TRIM69: variants seen among roughly 807,000 people sequenced by gnomAD.
TRIM69 encodes E3 ubiquitin-protein ligase TRIM69.
Under a neutral mutation model 37.7 loss-of-function variants are expected in TRIM69, and 29 were observed. The observed-to-expected ratio is 0.77, with a 90% CI of 0.57 to 1.05. The LOEUF is 1.05. Among genes scored for constraint, TRIM69 ranks in the 50% least tolerant of loss-of-function variants. The pLI is 0.00. For missense variants in TRIM69, 596 were observed against 579.9 expected (o/e 1.03, Z -0.28); for synonymous variants, 209 against 212.4 (o/e 0.98, Z 0.14).
chr15:44,760,929 T>G lies in TRIM69; in HGVS notation c.961+1057T>G, dbSNP rs191297516. 2.6e-3 allele frequency among the ~76,000 whole-genome samples: 393 copies of G among 152,184 alleles called. 2 individuals are homozygous for G. The highest frequency in any genetic ancestry group is 9.1e-3 in the African/African-American group (377 of 41,538). On this transcript the variant is annotated intron_variant, in intron 6 of 6. Transcript: ENST00000329464. ...TTTTTTCACTTAGCATAATTTTTTT[T>G]TTTTTTGAGATGGAGTCTCGCTCTG... is the stretch of plus-strand genomic sequence containing the variant.
In TRIM69 at chr15:44,759,886, G is replaced by C; in HGVS notation, c.961+14G>C. 2 of 1,604,886 alleles carry C rather than the reference G, an allele frequency of 1.2e-6. No homozygotes were observed. The highest frequency in any genetic ancestry group is 2.2e-5 in the South Asian group (2 of 90,476). On this transcript the variant is annotated intron_variant, in intron 6 of 6. Transcript: ENST00000329464. ...CTCTCTGCCCAGGTATCAGTGGGTA[G>C]TAACTATTGGTTCTTGAGGCTCCTA...
chr15:44,759,948 T>G, intron 6 of TRIM69, 76 bp downstream of exon 6: 1 of 1,530,458 alleles, frequency 6.5e-7, no homozygotes. Flanking sequence ...TCTGTGGCCC[T>G]AATTAAGTTT....
intron 6 of TRIM69, among the ~76,000 whole-genome samples, chr15:44,765,017 G>A (rs1013649052): frequency 2.0e-5 from 3 of 152,180 alleles, no homozygotes; most frequent in East Asian, 1.9e-4. Context: ...TGCTGAGCAG[G>A]GAAATGGCTT....
At chr15:44,745,531 A>G (rs1394009092) in intron 1 of TRIM69, among the ~76,000 whole-genome samples, 1 of 152,184 alleles carries the variant, frequency 6.6e-6, no homozygotes, top group African/African-American at 2.4e-5. Context: ...TGGACAGGAG[A>G]AAAGGAAATT....
chr15:44,759,893 T>C (rs750431266), intron 6 of TRIM69, 21 bp downstream of exon 6: 1 of 1,601,202 alleles, frequency 6.2e-7, no homozygotes. Context: ...GTAGTAACTA[T>C]TGGTTCTTGA....
chr15:44,767,080 AAAAAG>A (rs78491558), intron 6 of TRIM69, 146 bp from the exon 7 acceptor site: 3 of 389,084 alleles, frequency 7.7e-6, no homozygotes, highest in South Asian at 1.1e-4. Flanking sequence ...AAAAAAAAAA[AAAAAG>A]CATATAAGTA....
chr15:44,766,131 A>G (rs932044534), intron 6 of TRIM69, among the ~76,000 whole-genome samples: 3 of 152,236 alleles, frequency 2.0e-5, no homozygotes, highest in Non-Finnish European at 1.5e-5. Flanking sequence ...GTAGAATACA[A>G]TATAAATTAC....
At chr15:44,739,217 A>C (rs1464246272) in intron 1 of TRIM69, among the ~76,000 whole-genome samples, 1 of 152,140 alleles carries the variant, frequency 6.6e-6, no homozygotes, top group East Asian at 1.9e-4. Context: ...TATATATTTT[A>C]AACATACTTT....
In TRIM69 at chr15:44,767,719, C is replaced by A. The variant is rs1359902675; in HGVS notation, c.1450C>A (p.Leu484Ile). The change falls in exon 7 of 7, where the codon CTT (leucine) becomes ATT (isoleucine). Residue 484 changes from leucine (L) to isoleucine (I), a missense_variant. Transcript: ENST00000329464. Reference protein sequence around the residue: ...EKLYPYFCPCLNDGGENKEPL... With the variant: ...EKLYPYFCPCINDGGENKEPL... Reference sequence around the variant, plus strand: ...ACTTTATCCCTACTTCTGCCCCTGCCTTAATGATGGTGGAGAGAATAAAGA... The same window carrying A: ...ACTTTATCCCTACTTCTGCCCCTGCATTAATGATGGTGGAGAGAATAAAGA... The A allele has an allele frequency of 1.2e-6, 2 of 1,613,874 alleles. No individual in the cohort carries two copies. Among genetic ancestry groups the A allele is most frequent in the East Asian group, 4.5e-5 (2 of 44,902 alleles).
At chr15:44,745,422 C>G (rs948724225) in intron 1 of TRIM69, among the ~76,000 whole-genome samples, 7 of 152,010 alleles carry the variant, frequency 4.6e-5, no homozygotes, top group African/African-American at 1.7e-4. Context: ...CAAAAAACCC[C>G]AGAGAAGGTG....
Position 44,736,531 on chromosome 15 carries a change from C to T in TRIM69, c.-174C>T, listed in dbSNP as rs575691280. ...ACAAACTGTCACGGAATCTGCCAGA[C>T]CTCACTCTGGCCTTGCTGCTTCTCT... On this transcript the variant is annotated 5_prime_UTR_variant, in exon 1 of 7. Transcript: ENST00000329464. The T allele has an allele frequency of 8.6e-6, 5 of 584,160 alleles. No individual in the cohort carries two copies. Among genetic ancestry groups the T allele is most frequent in the Non-Finnish European group, 1.1e-5 (4 of 348,270 alleles). The allele number at this position is 584,160 out of a possible 1,614,324, so 36.2% of individuals were successfully genotyped here.
chr15:44,737,398 A>C (rs1264890796), intron 1 of TRIM69, among the ~76,000 whole-genome samples: 4 of 152,176 alleles, frequency 2.6e-5, no homozygotes, highest in African/African-American at 9.7e-5. Context: ...GTGCTTAGCT[A>C]TTGAAGCAAA....
Position 44,767,458 on chromosome 15 carries a change from G to T in TRIM69, c.1189G>T (p.Glu397Ter), listed in dbSNP as rs1246044019. ...KTKWTVGVVR[E>*]SIIRKGSCPL... Reference sequence around the variant, plus strand: ...AAAATGGACAGTTGGAGTTGTCAGAGAATCCATCATTCGGAAGGGCAGCTG... The same window carrying T: ...AAAATGGACAGTTGGAGTTGTCAGATAATCCATCATTCGGAAGGGCAGCTG... Residue 397 changes from glutamate (E) to a stop codon, truncating the protein, a stop_gained, in exon 7 of 7, where the codon GAA (glutamate) becomes TAA (stop). Transcript: ENST00000329464. LOFTEE classifies it high-confidence loss of function. The T allele has an allele frequency of 1.2e-6, 2 of 1,614,098 alleles. No homozygotes were observed. Among genetic ancestry groups the T allele is most frequent in the Non-Finnish European group, 1.7e-6 (2 of 1,180,044 alleles).
Position 44,751,909 on chromosome 15 carries a change from T to A in TRIM69, c.7-2991T>A, listed in dbSNP as rs540548052. 6.8e-4 allele frequency among the ~76,000 whole-genome samples: 99 copies of A among 145,008 alleles called. 2 individuals are homozygous for A. In the South Asian group the frequency reaches 0.021, roughly 31 times the overall value. ...CACGGACATGTTCCATTATGGCCAA[T>A]TTTTTTTTTTTCTTTTTGTATTTTT... On this transcript the variant is annotated intron_variant, in intron 1 of 6. Transcript: ENST00000329464.
At chr15:44,756,284 G>A in intron 2 of TRIM69, 84 bp from the exon 3 acceptor site, 1 of 898,158 alleles carries the variant, frequency 1.1e-6, no homozygotes, top group Non-Finnish European at 1.7e-6. Context: ...CTTTTTTCTT[G>A]CACACTGGGG....
At chr15:44,755,419 G>C in intron 2 of TRIM69, 43 bp downstream of exon 2, 1 of 1,417,932 alleles carries the variant, frequency 7.1e-7, no homozygotes, top group South Asian at 1.2e-5. Flanking sequence ...AGAAAAACTA[G>C]GAAAAATATT....
intron 1 of TRIM69, among the ~76,000 whole-genome samples, chr15:44,751,535 G>A (rs1213407602): frequency 1.3e-5 from 2 of 152,234 alleles, no homozygotes; most frequent in Non-Finnish European, 2.9e-5. Flanking sequence ...AAAATGCTGG[G>A]ATTACAGGCA....
In TRIM69 at chr15:44,756,463, G is replaced by A. The variant is rs370797653; in HGVS notation, c.579G>A (p.Lys193=). ...NMQKEAIAAH[K]ENKLHLQQHV... ...AGAAGGAAGCTATTGCTGCTCACAAGGTGAGGAGCAAGAAAGAGGGGTTAT... is the reference window on the plus strand; with the variant it reads ...AGAAGGAAGCTATTGCTGCTCACAAAGTGAGGAGCAAGAAAGAGGGGTTAT... Residue 193 remains lysine, a splice_region_variant and synonymous_variant, in exon 3 of 7, where the codon AAG becomes AAA. Coordinates refer to ENST00000329464, the MANE Select transcript of TRIM69 (RefSeq NM_182985.5). 21 of 1,545,842 alleles carry A rather than the reference G, an allele frequency of 1.4e-5. No homozygotes were observed. Among genetic ancestry groups the A allele is most frequent in the East Asian group, 2.4e-5 (1 of 40,904 alleles).
chr15:44,758,475 T>G, intron 3 of TRIM69, 146 bp from the exon 4 acceptor site: 1 of 1,199,104 alleles, frequency 8.3e-7, no homozygotes, highest in East Asian at 2.6e-5. Flanking sequence ...CTCATTTTAG[T>G]ATGACTGAAT....
Sources: gnomAD v4.1 joint callset for allele counts (sites outside exome capture counted in the v4.1 genomes callset) on GRCh38, gnomAD v4.1.1 for gene constraint, MANE v1.5 for transcripts, NCBI Gene and HGNC (gene_info 2026-07-23, HGNC 2026-07-21) for gene names.